Variants in ANKDD1A observed in about 807,000 individuals in gnomAD.
ANKDD1A encodes ankyrin repeat and death domain containing 1A.
Under a neutral mutation model 63.5 loss-of-function variants are expected in ANKDD1A, and 59 were observed. The observed-to-expected ratio is 0.93, with a 90% confidence interval of 0.75 to 1.15. The LOEUF is 1.15. Ranked by LOEUF, ANKDD1A falls within the 50% of genes most tolerant of loss-of-function variation. ANKDD1A has a pLI of 0.00. For missense variants in ANKDD1A, 632 were observed against 656.4 expected, an observed-to-expected ratio of 0.96 and a Z score of 0.41; for synonymous variants, 266 against 263.9, an observed-to-expected ratio of 1.01 and a Z score of -0.08.
At chr15:64,923,025 T>C (rs1460061230) in intron 4 of ANKDD1A, among the ~76,000 whole-genome samples, 2 of 152,246 alleles carry the variant, frequency 1.3e-5, no homozygotes, top group Non-Finnish European at 2.9e-5. Flanking sequence ...TGTTACTAGA[T>C]TGAAAACTTG....
chr15:64,956,422 A>C (rs1014409038), intron 14 of ANKDD1A, among the ~76,000 whole-genome samples: 1 of 151,984 alleles, frequency 6.6e-6, no homozygotes, highest in Non-Finnish European at 1.5e-5. Context: ...GGTGGCGGGC[A>C]CCTGTAGTCA....
At chr15:64,946,725 C>A (rs2085225408) in intron 12 of ANKDD1A, among the ~76,000 whole-genome samples, 1 of 152,100 alleles carries the variant, frequency 6.6e-6, no homozygotes, top group African/African-American at 2.4e-5. Context: ...GTTTTTAATA[C>A]CCCAGGTGAG....
chr15:64,928,970 G>A (rs1391113653), intron 6 of ANKDD1A, among the ~76,000 whole-genome samples: 1 of 152,322 alleles, frequency 6.6e-6, no homozygotes, highest in South Asian at 2.1e-4. Context: ...CTAACTGGGG[G>A]CATGTGTTGG....
intron 14 of ANKDD1A, chr15:64,951,456 TC>T (rs2085274638): frequency 1.3e-4 from 5 of 38,516 alleles, no homozygotes; most frequent in African/African-American, 2.4e-4. Flanking sequence ...CCCTTTCTTT[TC>T]TTTTCTCTTT....
rs1470880602 is a variant in ANKDD1A, at chr15:64,940,415, GATAGATAGATAGATAGATAT to G, written c.868-2044_868-2025del. Among the ~76,000 whole-genome samples the G allele has an allele frequency of 3.5e-4, 43 of 124,098 alleles. 1 individual carries two copies. The highest frequency in any genetic ancestry group is 7.2e-4 in the African/African-American group (26 of 36,362). The allele number at this position is 124,098 out of a possible 152,430, so 81.4% of individuals were successfully genotyped here. A position where few individuals can be genotyped will look rare whatever the true frequency, so the allele number is the denominator to read the frequency against. ...TGATTGATAGATAGATAGATAGATA[GATAGATAGATAGATAGATAT>G]ATAGATATTTTTTTTGAGACAGAGT... On this transcript the variant is annotated intron_variant, in intron 9 of 14. Transcript: ENST00000319580.
At chr15:64,943,285 T>G in intron 10 of ANKDD1A, 199 bp from the exon 11 acceptor site, 1 of 568,578 alleles carries the variant, frequency 1.8e-6, no homozygotes, top group Non-Finnish European at 3.1e-6. Flanking sequence ...ACAAAAAGTG[T>G]CATGTTGGGG....
chr15:64,956,266 T>C (rs1311841439), intron 14 of ANKDD1A, among the ~76,000 whole-genome samples: 1 of 150,126 alleles, frequency 6.7e-6, no homozygotes, highest in Non-Finnish European at 1.5e-5. Flanking sequence ...ACAGTTTAGC[T>C]TGGCCGGGCG....
chr15:64,929,699 T>C (rs918861797), intron 6 of ANKDD1A, among the ~76,000 whole-genome samples: 4 of 152,186 alleles, frequency 2.6e-5, no homozygotes, highest in South Asian at 4.1e-4. Flanking sequence ...TCCTACATTA[T>C]TGACTCATTG....
At chr15:64,925,010 TGAGTTCGG>T (rs2085035226) in intron 4 of ANKDD1A, among the ~76,000 whole-genome samples, 1 of 152,064 alleles carries the variant, frequency 6.6e-6, no homozygotes, top group Non-Finnish European at 1.5e-5. Flanking sequence ...GCAGATTGCC[TGAGTTCGG>T]GAGTTCGAAA....
In ANKDD1A at chr15:64,936,706, G is replaced by C. The variant is rs1009992941; in HGVS notation, c.867+2472G>C. Among the ~76,000 whole-genome samples the C allele has an allele frequency of 2.0e-5, 3 of 152,044 alleles. 1 individual carries two copies. The South Asian group carries it at 6.2e-4, about 32-fold the overall frequency. ...AATTTAAAAATCAGCCGGGTATGGT[G>C]GTGGGTACCTGCCTGTAGTCCCAGA... On this transcript the variant is annotated intron_variant, in intron 9 of 14. Coordinates refer to ENST00000319580, the MANE Select transcript of ANKDD1A (RefSeq NM_182703.6).
intron 13 of ANKDD1A, 21 bp downstream of exon 13, chr15:64,947,614 G>A (rs199744004): frequency 5.0e-5 from 81 of 1,610,940 alleles, no homozygotes; most frequent in Admixed American, 2.7e-4. Context: ...GCCTCTCCTC[G>A]CCCTAAGCAA....
At position 64,947,634 on chromosome 15, in the gene ANKDD1A, G is replaced by A. The variant is rs577751919; in HGVS notation, c.1351+41G>A. The A allele has an allele frequency of 1.4e-4, 226 of 1,594,016 alleles. 3 individuals are homozygous for A. In the South Asian group the frequency reaches 1.9e-3, roughly 14 times the overall value. ...TCCTCGCCCTAAGCAACCATTGGGC[G>A]GAGGGGTGGGACACCTGAAATGTGT... On this transcript the variant is annotated intron_variant, in intron 13 of 14. Coordinates refer to ENST00000319580, the MANE Select transcript of ANKDD1A (RefSeq NM_182703.6).
chr15:64,947,988 G>A (rs999676635), intron 13 of ANKDD1A, among the ~76,000 whole-genome samples: 2 of 152,194 alleles, frequency 1.3e-5, no homozygotes, highest in Admixed American at 1.3e-4. Context: ...AAGGAAGAGA[G>A]AGACTTATTG....
At chr15:64,933,861 A>G (rs940744355) in intron 8 of ANKDD1A, among the ~76,000 whole-genome samples, 4 of 151,950 alleles carry the variant, frequency 2.6e-5, no homozygotes, top group Non-Finnish European at 2.9e-5. Flanking sequence ...AAAGTCTATC[A>G]TCTGCATGTC....
intron 14 of ANKDD1A, among the ~76,000 whole-genome samples, chr15:64,952,384 TCTTTTCTTCTTCCTCC>T (rs1264506648): frequency 1.8e-3 from 7 of 3,794 alleles, no homozygotes; most frequent in African/African-American, 2.6e-3. Context: ...CCTCTTTCCT[TCTTTTCTTCTTCCTCC>T]TTCTTCTTCT....
At chr15:64,931,721 C>A in intron 8 of ANKDD1A, 136 bp downstream of exon 8, 1 of 927,306 alleles carries the variant, frequency 1.1e-6, no homozygotes, top group Non-Finnish European at 1.7e-6. Context: ...CTGATCTTGG[C>A]TTCTCCACTG....
At chr15:64,932,188 G>A in intron 8 of ANKDD1A, 1 of 152,694 alleles carries the variant, frequency 6.5e-6, no homozygotes. Context: ...GATAGCCATT[G>A]CACCTGGCCC....
intron 14 of ANKDD1A, among the ~76,000 whole-genome samples, chr15:64,952,917 CTTCTTCTTAG>C (rs1370665979): frequency 8.2e-5 from 11 of 133,674 alleles, no homozygotes; most frequent in Non-Finnish European, 1.8e-4. Flanking sequence ...TCTTCTTCTC[CTTCTTCTTAG>C]TTCTTCTTCC....
chr15:64,912,922 A>T (rs2084942409), intron 1 of ANKDD1A, among the ~76,000 whole-genome samples: 1 of 152,236 alleles, frequency 6.6e-6, no homozygotes. Context: ...CCAATGGAGC[A>T]TTGGGGTGTG....
Sources: allele counts gnomAD v4.1 joint callset (sites outside exome capture counted in the v4.1 genomes callset), GRCh38; gene constraint gnomAD v4.1.1; transcripts MANE v1.5; gene names NCBI Gene and HGNC (gene_info 2026-07-23, HGNC 2026-07-21).